The following DNAAF11 variants were observed in gnomAD, a reference collection of about 807,000 sequenced individuals.
DNAAF11 encodes leucine rich repeat containing 6.
A neutral mutation model predicts 60.8 loss-of-function variants in DNAAF11; 45 were observed. The ratio of observed to expected loss-of-function variants is 0.74; its 90% confidence interval spans 0.58 to 0.95. The LOEUF (loss-of-function observed/expected upper bound fraction) is 0.95. DNAAF11 is among the 40% of genes least tolerant of loss of function. DNAAF11 has a pLI of 0.00. For synonymous variants in DNAAF11, 191 were observed against 183.5 expected (o/e 1.04, Z -0.33); for missense variants, 546 against 546.2 (o/e 1.00, Z 0.00).
intron 11 of DNAAF11, 44 bp downstream of exon 11, chr8:132,583,650 G>T (rs1238269595): frequency 1.4e-6 from 2 of 1,457,478 alleles, no homozygotes; most frequent in Non-Finnish European, 1.9e-6. Flanking sequence ...TGACAATGAA[G>T]AGAACAATAT....
At chr8:132,662,203 G>A (rs1824208048) in intron 1 of DNAAF11, among the ~76,000 whole-genome samples, 1 of 152,168 alleles carries the variant, frequency 6.6e-6, no homozygotes, top group Non-Finnish European at 1.5e-5. Context: ...TTGTTTCCAG[G>A]AGAAGTATTT....
At chr8:132,677,746 A>T (rs1210660808), upstream of DNAAF11, among the ~76,000 whole-genome samples, 2 of 152,158 alleles carry the variant, frequency 1.3e-5, no homozygotes, top group African/African-American at 2.4e-5. Flanking sequence ...GTCTAAAAAA[A>T]TCGGGGTGCT....
At chr8:132,596,022 T>C (rs578189085) in intron 10 of DNAAF11, among the ~76,000 whole-genome samples, 1 of 152,290 alleles carries the variant, frequency 6.6e-6, no homozygotes, top group East Asian at 1.9e-4. Context: ...TGTGTATCAG[T>C]TGATGGCGCC....
chr8:132,581,703 A>AAGC (rs1563969087), intron 11 of DNAAF11, among the ~76,000 whole-genome samples: 3 of 151,404 alleles, frequency 2.0e-5, no homozygotes, highest in Admixed American at 6.6e-5. Flanking sequence ...GAAGAAGAAC[A>AAGC]AGCCTGAGGT....
chr8:132,688,210 G>C, the DNAAF11 span, among the ~76,000 whole-genome samples: 1 of 152,146 alleles, frequency 6.6e-6, no homozygotes, highest in Non-Finnish European at 1.5e-5. Flanking sequence ...GCCACTTTGG[G>C]AGACACATTC....
At chr8:132,655,470 C>A (rs913806424) in intron 3 of DNAAF11, among the ~76,000 whole-genome samples, 2 of 151,966 alleles carry the variant, frequency 1.3e-5, no homozygotes, top group African/African-American at 4.8e-5. Context: ...AAACTATAGA[C>A]AAAACTAAGA....
At chr8:132,699,483 T>A in the DNAAF11 span, among the ~76,000 whole-genome samples, 3 of 152,232 alleles carry the variant, frequency 2.0e-5, no homozygotes, top group South Asian at 2.1e-4. Context: ...TTTAGAGAGA[T>A]CACTGTAATT....
chr8:132,701,143 A>C, the DNAAF11 span, among the ~76,000 whole-genome samples: 6 of 152,140 alleles, frequency 3.9e-5, no homozygotes, highest in African/African-American at 1.4e-4. Context: ...TAAGGGTCCC[A>C]CCTCTTAGCA....
At chr8:132,666,470 G>A (rs1824639257) in intron 1 of DNAAF11, among the ~76,000 whole-genome samples, 1 of 152,072 alleles carries the variant, frequency 6.6e-6, no homozygotes, top group South Asian at 2.1e-4. Flanking sequence ...TACAAACTCT[G>A]CCCTCAAGGA....
intron 7 of DNAAF11, among the ~76,000 whole-genome samples, chr8:132,616,609 C>T (rs1010621032): frequency 1.3e-5 from 2 of 152,052 alleles, no homozygotes; most frequent in African/African-American, 2.4e-5. Context: ...CACAAGCACA[C>T]GATGCTGGAG....
chr8:132,603,736 T>C (rs887211745), intron 10 of DNAAF11, among the ~76,000 whole-genome samples: 3 of 152,044 alleles, frequency 2.0e-5, no homozygotes, highest in Non-Finnish European at 4.4e-5. Flanking sequence ...TAGAGGGGGA[T>C]GTTTTTATTT....
At chr8:132,619,303 TG>T (rs1446265158) in intron 7 of DNAAF11, among the ~76,000 whole-genome samples, 1 of 62,652 alleles carries the variant, frequency 1.6e-5, no homozygotes, top group Non-Finnish European at 3.3e-5. Flanking sequence ...TGTTGTGGGG[TG>T]GGGGGATGGG....
At chr8:132,605,100 G>GT (rs1435120197) in intron 10 of DNAAF11, among the ~76,000 whole-genome samples, 1 of 152,042 alleles carries the variant, frequency 6.6e-6, no homozygotes, top group Non-Finnish European at 1.5e-5. Context: ...GCTGTCCTAG[G>GT]TACTTTATTT....
chr8:132,572,453 T>C lies in DNAAF11; in HGVS notation c.1254A>G (p.Val418=). The C allele has an allele frequency of 6.2e-7, 1 of 1,605,318 alleles. No individual in the cohort carries two copies. The change falls in exon 12 of 12, where the codon GTA becomes GTG. Residue 418 remains valine, a synonymous_variant. Coordinates refer to ENST00000620350, the MANE Select transcript of DNAAF11 (RefSeq NM_012472.6). The stretch of plus-strand genomic sequence containing the variant: ...CAGGGAATGAGTGCTTGCTAGGGTC[T>C]ACTTCTAGTTTCTCCATGTGCTTGC... ...TRSKHMEKLE[V]DPSKHSFPDV... is the part of the protein sequence containing the mutation.
At chr8:132,637,378 G>A (rs62514512) in intron 4 of DNAAF11, among the ~76,000 whole-genome samples, 1 of 152,180 alleles carries the variant, frequency 6.6e-6, no homozygotes, top group Non-Finnish European at 1.5e-5. Flanking sequence ...GGCCGAGGCA[G>A]GTGGATCACC....
At chr8:132,643,545 C>T (rs761030599) in intron 3 of DNAAF11, 3 of 435,098 alleles carry the variant, frequency 6.9e-6, no homozygotes, top group South Asian at 1.6e-5. Context: ...TAAATGGGTC[C>T]GTATGCCATA....
intron 1 of DNAAF11, among the ~76,000 whole-genome samples, chr8:132,674,848 G>A (rs980624756): frequency 2.0e-5 from 3 of 152,202 alleles, no homozygotes; most frequent in African/African-American, 4.8e-5. Context: ...AGATCGCGCC[G>A]CTGCACTCCA....
At chr8:132,663,465 C>T (rs1277745762) in intron 1 of DNAAF11, among the ~76,000 whole-genome samples, 1 of 152,176 alleles carries the variant, frequency 6.6e-6, no homozygotes, top group Non-Finnish European at 1.5e-5. Flanking sequence ...TAAGAATTCT[C>T]TTAGCAAGGA....
chr8:132,685,907 T>A, the DNAAF11 span, among the ~76,000 whole-genome samples: 3 of 152,192 alleles, frequency 2.0e-5, no homozygotes, highest in Non-Finnish European at 2.9e-5. Flanking sequence ...CAATGACCCT[T>A]TTTTTTCCCC....
Sources: gnomAD v4.1 joint callset for allele counts (sites outside exome capture counted in the v4.1 genomes callset) on GRCh38, gnomAD v4.1.1 for gene constraint, MANE v1.5 for transcripts, NCBI Gene and HGNC (gene_info 2026-07-23, HGNC 2026-07-21) for gene names.